Variants in DYM observed in about 807,000 individuals in gnomAD.
DYM encodes dyggve-Melchior-Clausen syndrome protein.
A neutral mutation model predicts 93.1 loss-of-function variants in DYM; 78 were observed. The ratio of observed to expected loss-of-function variants is 0.84; its 90% CI spans 0.70 to 1.01. The LOEUF is 1.01. Ranked by LOEUF, DYM falls within the 50% of genes least tolerant of loss-of-function variation. DYM has a pLI of 0.00. For missense variants in DYM, 789 were observed against 845.0 expected (o/e 0.93, Z 0.82); for synonymous variants, 321 against 319.7 (o/e 1.00, Z -0.04).
chr18:49,266,228 T>C (rs1378141230), intron 11 of DYM, among the ~76,000 whole-genome samples: 1 of 152,204 alleles, frequency 6.6e-6, no homozygotes, highest in African/African-American at 2.4e-5. Flanking sequence ...TCTCTACAGC[T>C]GCAACATGGA....
chr18:49,141,648 C>A (rs907092368), intron 15 of DYM, among the ~76,000 whole-genome samples: 2 of 152,138 alleles, frequency 1.3e-5, no homozygotes, highest in African/African-American at 2.4e-5. Context: ...AGAGAGCAAA[C>A]CCCTGAATCC....
At chr18:49,305,869 C>A (rs572968464) in intron 8 of DYM, among the ~76,000 whole-genome samples, 2 of 152,286 alleles carry the variant, frequency 1.3e-5, no homozygotes, top group South Asian at 4.1e-4. Flanking sequence ...TGATTCATGA[C>A]AAAGTAACCA....
At chr18:49,066,795 C>T (rs2076425423) in intron 17 of DYM, among the ~76,000 whole-genome samples, 2 of 152,096 alleles carry the variant, frequency 1.3e-5, no homozygotes, top group Admixed American at 6.5e-5. Flanking sequence ...TATATCAAAC[C>T]TTCCCTGGAT....
At chr18:49,230,312 T>C (rs921506432) in intron 13 of DYM, among the ~76,000 whole-genome samples, 6 of 152,170 alleles carry the variant, frequency 3.9e-5, no homozygotes, top group African/African-American at 7.2e-5. Context: ...AGGTTATAGA[T>C]TTTAAGCTCA....
intron 17 of DYM, among the ~76,000 whole-genome samples, chr18:49,095,813 A>G (rs28470838): frequency 0.18 from 27,663 of 152,148 alleles, 2,638 homozygotes; most frequent in Middle Eastern, 0.31. Flanking sequence ...TAGCCTGCAC[A>G]CTGTAATTCA....
intron 13 of DYM, among the ~76,000 whole-genome samples, chr18:49,250,365 GT>G (rs1361364180): frequency 6.6e-6 from 1 of 152,216 alleles, no homozygotes; most frequent in Non-Finnish European, 1.5e-5. Context: ...AGACTTGGAA[GT>G]TCTATCTTTC....
chr18:49,178,105 T>A (rs1600377511), intron 14 of DYM, among the ~76,000 whole-genome samples: 1 of 152,268 alleles, frequency 6.6e-6, no homozygotes, highest in Non-Finnish European at 1.5e-5. Context: ...TATCAATGCC[T>A]ATAGGAAAGC....
chr18:49,255,102 T>A (rs1485100035), intron 13 of DYM, among the ~76,000 whole-genome samples: 2 of 152,224 alleles, frequency 1.3e-5, no homozygotes, highest in African/African-American at 4.8e-5. Flanking sequence ...TATCCTGTAC[T>A]AAATTCTGAA....
At chr18:49,245,225 T>C (rs112685966) in intron 13 of DYM, among the ~76,000 whole-genome samples, 5,395 of 152,324 alleles carry the variant, frequency 0.035, 158 homozygotes, top group South Asian at 0.061. Flanking sequence ...GTGTTAACTG[T>C]ACAAAATGTT....
At chr18:49,146,545 C>T (rs550284142) in intron 15 of DYM, among the ~76,000 whole-genome samples, 32 of 152,238 alleles carry the variant, frequency 2.1e-4, no homozygotes, top group African/African-American at 7.2e-4. Context: ...TTCTTATACA[C>T]CAATAACAGA....
At chr18:49,394,319 G>A (rs1007892045) in intron 2 of DYM, among the ~76,000 whole-genome samples, 6 of 151,928 alleles carry the variant, frequency 3.9e-5, no homozygotes, top group Admixed American at 1.3e-4. Context: ...ATATGATATC[G>A]ATAAAGCACT....
At chr18:49,085,311 T>C (rs1025974894) in intron 17 of DYM, among the ~76,000 whole-genome samples, 5 of 152,234 alleles carry the variant, frequency 3.3e-5, no homozygotes, top group Non-Finnish European at 7.3e-5. Context: ...AGTGAACTAT[T>C]TCATATTTTA....
rs1237945387 is a variant in DYM, at chr18:49,289,790, CACACATAT to C, written c.764-3182_764-3175del. Among the ~76,000 whole-genome samples the C allele has an allele frequency of 4.2e-4, 15 of 35,724 alleles. 1 individual carries two copies. Among genetic ancestry groups the C allele is most frequent in the African/African-American group, 1.9e-3 (15 of 7,772 alleles). The allele number at this position is 35,724 out of a possible 152,430, so 23.4% of individuals were successfully genotyped here. A position where few individuals can be genotyped will look rare whatever the true frequency, so the allele number is the denominator to read the frequency against. On this transcript the variant is annotated intron_variant, in intron 8 of 17. Coordinates refer to ENST00000675505, the MANE Select transcript of DYM (RefSeq NM_001353214.3). ...ATATATATACACATATATATATATACACACATATATATATATATACACATATATATTTA... is the reference window on the plus strand; with the variant it reads ...ATATATATACACATATATATATATACATATATATATACACATATATATTTA...
At chr18:49,177,799 T>G (rs1346006878) in intron 14 of DYM, among the ~76,000 whole-genome samples, 1 of 152,118 alleles carries the variant, frequency 6.6e-6, no homozygotes, top group African/African-American at 2.4e-5. Context: ...CCTCTTTTCT[T>G]CTTTTAACAC....
At chr18:49,264,525 T>C (rs2094539722) in intron 11 of DYM, among the ~76,000 whole-genome samples, 1 of 152,216 alleles carries the variant, frequency 6.6e-6, no homozygotes, top group Non-Finnish European at 1.5e-5. Flanking sequence ...TATCAGATTT[T>C]GTCACTTTTG....
intron 2 of DYM, among the ~76,000 whole-genome samples, chr18:49,415,392 T>C (rs2072836622): frequency 6.7e-6 from 1 of 150,050 alleles, no homozygotes; most frequent in African/African-American, 2.4e-5. Flanking sequence ...TACACCATAA[T>C]GTTAACAAGT....
At chr18:49,299,674 T>C (rs2060780665) in intron 8 of DYM, among the ~76,000 whole-genome samples, 1 of 152,180 alleles carries the variant, frequency 6.6e-6, no homozygotes, top group South Asian at 2.1e-4. Flanking sequence ...ATCTTTTGTA[T>C]TACATTAAAT....
rs2084133973 is a variant in DYM at position 49,138,823 on chromosome 18, C to T, written c.1729-19897G>A. On this transcript the variant is annotated intron_variant, in intron 15 of 17. Coordinates refer to ENST00000675505, the MANE Select transcript of DYM (RefSeq NM_001353214.3). ...TACGATTTAGACTGAGACCTGAATA[C>T]AGAAGTACAGGAAGTGTCCGATTTA... Among the ~76,000 whole-genome samples, 5 of 152,172 alleles carry T rather than the reference C, an allele frequency of 3.3e-5. No homozygotes were observed. In the South Asian group the frequency reaches 6.2e-4, roughly 19 times the overall value.
chr18:49,434,562 G>A (rs186372168), intron 1 of DYM, among the ~76,000 whole-genome samples: 6 of 152,116 alleles, frequency 3.9e-5, no homozygotes, highest in African/African-American at 9.7e-5. Context: ...GGCCACCCCT[G>A]TGGAAAAGGA....
Sources: gnomAD v4.1 joint callset for allele counts (sites outside exome capture counted in the v4.1 genomes callset) on GRCh38, gnomAD v4.1.1 for gene constraint, MANE v1.5 for transcripts, NCBI Gene and HGNC (gene_info 2026-07-23, HGNC 2026-07-21) for gene names.